SARAF: variants seen among roughly 807,000 people sequenced by gnomAD.
The protein encoded by SARAF is store-operated calcium entry-associated regulatory factor.
Under a neutral mutation model 39.7 loss-of-function variants are expected in SARAF, and 23 were observed. The observed-to-expected ratio is 0.58, with a 90% CI of 0.42 to 0.82. The LOEUF (loss-of-function observed/expected upper bound fraction) is 0.82, where lower values mean the gene tolerates loss of function less well. SARAF is among the 40% of genes least tolerant of loss of function. The pLI, the probability that SARAF is intolerant of heterozygous loss-of-function variation, is 0.00. For missense variants in SARAF, 384 were observed against 418.5 expected (o/e 0.92, Z 0.72); for synonymous variants, 175 against 168.5 (o/e 1.04, Z -0.30).
intron 1 of SARAF, among the ~76,000 whole-genome samples, chr8:30,077,420 C>G (rs1369114248): frequency 1.3e-5 from 2 of 152,144 alleles, no homozygotes; most frequent in Admixed American, 1.3e-4. Flanking sequence ...GCACTCCAGC[C>G]TGGGTGATAG....
Position 30,073,933 on chromosome 8 carries a change from A to T in SARAF, c.226T>A (p.Tyr76Asn). Residue 76 changes from tyrosine (Y) to asparagine (N), a missense_variant, in exon 2 of 6, where the codon TAT (tyrosine) becomes AAT (asparagine). Physicochemically the swap from Tyr to Asn is moderately radical, Grantham distance 143. Transcript: ENST00000256255. ...TGACACTGTATGACTTTTGGGGTATAAGAATCACAACCAGCTGTGCCTCCA... is the reference window on the plus strand; with the variant it reads ...TGACACTGTATGACTTTTGGGGTATTAGAATCACAACCAGCTGTGCCTCCA... The part of the protein sequence containing the change: ...CVGGTAGCDS[Y>N]TPKVIQCQNK... The T allele has an allele frequency of 6.2e-7, 1 of 1,614,196 alleles. No homozygotes were observed. Among genetic ancestry groups the T allele is most frequent in the African/African-American group, 1.3e-5 (1 of 75,042 alleles).
intron 1 of SARAF, among the ~76,000 whole-genome samples, chr8:30,076,756 C>A (rs2117439789): frequency 6.6e-6 from 1 of 152,252 alleles, no homozygotes; most frequent in Middle Eastern, 3.4e-3. Context: ...AGGCCCCTTT[C>A]CCCTCTCTCA....
At chr8:30,070,647 G>A (rs982942591) in intron 2 of SARAF, among the ~76,000 whole-genome samples, 2 of 152,052 alleles carry the variant, frequency 1.3e-5, no homozygotes, top group Non-Finnish European at 1.5e-5. Context: ...AACATATTAA[G>A]TATTCTACAA....
chr8:30,072,642 A>C (rs2117432811), intron 2 of SARAF, among the ~76,000 whole-genome samples: 1 of 152,306 alleles, frequency 6.6e-6, no homozygotes, highest in South Asian at 2.1e-4. Context: ...CTTGGAATAG[A>C]AGGAGTTTCT....
chr8:30,076,154 G>A (rs367917080), intron 1 of SARAF, among the ~76,000 whole-genome samples: 43 of 152,204 alleles, frequency 2.8e-4, no homozygotes, highest in African/African-American at 9.6e-4. Context: ...GAAACTGTCT[G>A]GAGATGTATT....
chr8:30,078,439 T>G (rs767922532), intron 1 of SARAF, among the ~76,000 whole-genome samples: 2 of 151,888 alleles, frequency 1.3e-5, no homozygotes, highest in Non-Finnish European at 2.9e-5. Context: ...AAAAAAAGAT[T>G]CTACAAATTG....
Position 30,063,933 on chromosome 8 carries a change from A to G in SARAF, c.995-20T>C. ...CATATCCTAGAATGAGAGGGGTAAA[A>G]TTTACATTAGTTTTTAAAAATGCAT... On this transcript the variant is annotated intron_variant, in intron 5 of 5. Transcript: ENST00000256255. 3.9e-6 allele frequency: 6 copies of G among 1,529,016 alleles called. No individual in the cohort carries two copies. The highest frequency in any genetic ancestry group is 5.4e-6 in the Non-Finnish European group (6 of 1,121,232). 94.7% of individuals were successfully genotyped at this position (1,529,016 alleles called of 1,614,324 possible). A position where few individuals can be genotyped will look rare whatever the true frequency, so the allele number is the denominator to read the frequency against.
At chr8:30,078,988 C>G (rs917597572) in intron 1 of SARAF, among the ~76,000 whole-genome samples, 2 of 151,958 alleles carry the variant, frequency 1.3e-5, no homozygotes, top group Non-Finnish European at 2.9e-5. Flanking sequence ...GAAACCCCAT[C>G]TCTACTAATA....
At chr8:30,074,447 A>C (rs1242381664) in intron 1 of SARAF, among the ~76,000 whole-genome samples, 2 of 152,234 alleles carry the variant, frequency 1.3e-5, no homozygotes, top group Non-Finnish European at 2.9e-5. Context: ...CAACAGGTGA[A>C]GAAATTAACA....
At position 30,075,981 on chromosome 8, in the gene SARAF, T is replaced by TAAAAAAAAAAAAAAAAA. The variant is rs1491525634; in HGVS notation, c.104-1927_104-1926insTTTTTTTTTTTTTTTTT. 8.1e-4 allele frequency among the ~76,000 whole-genome samples: 6 copies of TAAAAAAAAAAAAAAAAA among 7,378 alleles called. 3 individuals are homozygous for TAAAAAAAAAAAAAAAAA. The highest frequency in any genetic ancestry group is 1.6e-3 in the Non-Finnish European group (4 of 2,474). The allele number at this position is 7,378 out of a possible 152,430, so 4.8% of individuals were successfully genotyped here. On this transcript the variant is annotated intron_variant, in intron 1 of 5. Coordinates refer to ENST00000256255, the MANE Select transcript of SARAF (RefSeq NM_016127.6). Reference sequence around the variant, plus strand: ...AACCTGATGTACATAACAGAATCCCTAAAAAAAAACAAAAAAAAAAAAACA... The same window carrying TAAAAAAAAAAAAAAAAA: ...AACCTGATGTACATAACAGAATCCCTAAAAAAAAAAAAAAAAAAAAAAAAAACAAAAAAAAAAAAACA...
chr8:30,071,204 G>C (rs1175942989), intron 2 of SARAF, among the ~76,000 whole-genome samples: 1 of 152,186 alleles, frequency 6.6e-6, no homozygotes, highest in East Asian at 1.9e-4. Context: ...AGGTGGGCAT[G>C]GTGGCAGGCG....
At chr8:30,066,663 A>C in intron 4 of SARAF, 114 bp downstream of exon 4, 1 of 1,310,616 alleles carries the variant, frequency 7.6e-7, no homozygotes, top group Non-Finnish European at 1.1e-6. Flanking sequence ...ATCTTATTTA[A>C]TAGGCTAACG....
chr8:30,072,149 T>G (rs1415498155), intron 2 of SARAF, among the ~76,000 whole-genome samples: 1 of 152,226 alleles, frequency 6.6e-6, no homozygotes, highest in Non-Finnish European at 1.5e-5. Context: ...CTACTGAGTG[T>G]GAAGTGGTAT....
At position 30,063,782 on chromosome 8, in the gene SARAF, A is replaced by T. The variant is rs1232285021; in HGVS notation, c.*106T>A. On this transcript the variant is annotated 3_prime_UTR_variant, in exon 6 of 6. Coordinates refer to ENST00000256255, the MANE Select transcript of SARAF (RefSeq NM_016127.6). ...TGGACATAACACCACAGAACTTTTGAATATCCCCTTTTCCCAATTGTTAAC... is the reference window on the plus strand; with the variant it reads ...TGGACATAACACCACAGAACTTTTGTATATCCCCTTTTCCCAATTGTTAAC... The T allele has an allele frequency of 1.0e-6, 1 of 981,260 alleles. No individual in the cohort carries two copies. Among genetic ancestry groups the T allele is most frequent in the South Asian group, 1.3e-5 (1 of 76,130 alleles). 60.8% of individuals were successfully genotyped at this position (981,260 alleles called of 1,614,324 possible).
In SARAF at chr8:30,071,028, T is replaced by C. The variant is rs1033922957; in HGVS notation, c.283-969A>G. Among the ~76,000 whole-genome samples, 3 of 152,212 alleles carry C rather than the reference T, an allele frequency of 2.0e-5. No individual in the cohort carries two copies. In the East Asian group the frequency reaches 5.8e-4, roughly 29 times the overall value. Reference sequence around the variant, plus strand: ...ATATTTTGTGGTGGAAAAAGCAATATGCTTCTTTAACTCTTAAGATACAAG... The same window carrying C: ...ATATTTTGTGGTGGAAAAAGCAATACGCTTCTTTAACTCTTAAGATACAAG... On this transcript the variant is annotated intron_variant, in intron 2 of 5. Transcript: ENST00000256255.
chr8:30,083,135 G>A, upstream of SARAF: 1 of 508,808 alleles, frequency 2.0e-6, no homozygotes, highest in Non-Finnish European at 3.4e-6. Context: ...GCGGCCCGTG[G>A]GGCTCAGTGA....
intron 3 of SARAF, 88 bp from the exon 4 acceptor site, chr8:30,067,006 T>C (rs1411259954): frequency 1.5e-6 from 2 of 1,322,864 alleles, no homozygotes; most frequent in Non-Finnish European, 2.1e-6. Flanking sequence ...AATTATTTCA[T>C]CTGTACTGAA....
rs142700582 is a variant in SARAF at position 30,066,040 on chromosome 8, C to T, written c.942G>A (p.Ser314=). The T allele has an allele frequency of 2.9e-3, 4,740 of 1,613,988 alleles. 14 individuals are homozygous for T. The highest frequency in any genetic ancestry group is 3.4e-3 in the Non-Finnish European group (4,034 of 1,179,986). ...AGTTTGAACATACCGAATAGCTGCC[C>T]GAGCCTCCATGAAGGGGTGAGTAAG... ...NRAYSPLHGG[S]GSYSVCSNSD... The change falls in exon 5 of 6, where the codon TCG becomes TCA. Residue 314 remains serine (S), a synonymous_variant. Coordinates refer to ENST00000256255, the MANE Select transcript of SARAF (RefSeq NM_016127.6).
chr8:30,082,488 C>G, intron 1 of SARAF: 1 of 196,146 alleles, frequency 5.1e-6, no homozygotes, highest in Non-Finnish European at 1.0e-5. Flanking sequence ...GCCACGATGA[C>G]ATCACACAGC....
Sources: allele counts gnomAD v4.1 joint callset (sites outside exome capture counted in the v4.1 genomes callset), GRCh38; gene constraint gnomAD v4.1.1; transcripts MANE v1.5; gene names NCBI Gene and HGNC (gene_info 2026-07-23, HGNC 2026-07-21).